Variants in PRKDC observed in about 807,000 individuals in gnomAD.
PRKDC encodes protein kinase, DNA-activated, catalytic subunit.
A neutral mutation model predicts 486.9 loss-of-function variants in PRKDC; 82 were observed. The ratio of observed to expected loss-of-function variants is 0.17; its 90% CI spans 0.14 to 0.20. The LOEUF is 0.20. Among genes scored for constraint, PRKDC ranks in the 10% least tolerant of loss-of-function variants. The pLI, the probability that PRKDC is intolerant of heterozygous loss-of-function variation, is 1.00. For synonymous variants in PRKDC, 1,895 were observed against 1,837.0 expected, an observed-to-expected ratio of 1.03 and a Z score of -0.81; for missense variants, 4,504 against 5,038.2, an observed-to-expected ratio of 0.89 and a Z score of 3.21.
At chr8:47,917,226 C>T (rs956958829) in intron 22 of PRKDC, among the ~76,000 whole-genome samples, 6 of 151,950 alleles carry the variant, frequency 3.9e-5, no homozygotes, top group African/African-American at 1.5e-4. Flanking sequence ...ATGCACTCCA[C>T]CCTGGGTGAC....
intron 83 of PRKDC, among the ~76,000 whole-genome samples, chr8:47,778,217 C>T (rs1473537673): frequency 6.6e-6 from 1 of 152,162 alleles, no homozygotes; most frequent in East Asian, 1.9e-4. Flanking sequence ...TTAGAGTCTT[C>T]CTTTGATCTG....
chr8:47,852,586 A>G, intron 52 of PRKDC, 87 bp downstream of exon 52: 1 of 783,052 alleles, frequency 1.3e-6, no homozygotes, highest in Non-Finnish European at 1.9e-6. Context: ...CTAATACCAT[A>G]CAAGAAATAA....
chr8:47,863,678 G>A (rs922059157), intron 41 of PRKDC, 101 bp from the exon 42 acceptor site: 3 of 1,001,726 alleles, frequency 3.0e-6, no homozygotes, highest in African/African-American at 3.4e-5. Context: ...TAGACAGACA[G>A]AATTTTAACA....
intron 69 of PRKDC, 115 bp downstream of exon 69, chr8:47,807,022 A>T: frequency 9.1e-7 from 1 of 1,102,866 alleles, no homozygotes; most frequent in Non-Finnish European, 1.2e-6. Flanking sequence ...AGAGAAAAAA[A>T]ATAACACCTA....
intron 40 of PRKDC, among the ~76,000 whole-genome samples, chr8:47,870,830 C>T (rs2088934697): frequency 6.6e-6 from 1 of 152,016 alleles, no homozygotes; most frequent in Non-Finnish European, 1.5e-5. Flanking sequence ...CAAAATTCAA[C>T]ATAATACAGA....
chr8:47,821,999 C>A (rs891739296), intron 64 of PRKDC, among the ~76,000 whole-genome samples: 3 of 151,994 alleles, frequency 2.0e-5, no homozygotes, highest in Non-Finnish European at 4.4e-5. Context: ...ATAGAAAAAC[C>A]CAGCTGGGCA....
rs1015668146 is a variant in PRKDC at position 47,888,504 on chromosome 8, T to C, written c.4413+14A>G. On this transcript the variant is annotated intron_variant, in intron 34 of 85. Coordinates refer to ENST00000314191, the MANE Select transcript of PRKDC (RefSeq NM_006904.7). ...AAAGCTAAAATAAATGTAAAAACAA[T>C]AAGTTATAGTTACCTGAGACGGTAA... 2.0e-6 allele frequency: 3 copies of C among 1,490,130 alleles called. No homozygotes were observed. Among genetic ancestry groups the C allele is most frequent in the Non-Finnish European group, 2.7e-6 (3 of 1,115,996 alleles). 92.3% of individuals were successfully genotyped at this position (1,490,130 alleles called of 1,614,324 possible).
chr8:47,949,633 CG>C (rs1477852000), intron 7 of PRKDC, among the ~76,000 whole-genome samples: 1 of 152,046 alleles, frequency 6.6e-6, no homozygotes, highest in Admixed American at 6.5e-5. Flanking sequence ...AAAATATGAC[CG>C]TAAGTGCTGT....
At chr8:47,780,500 A>C (rs1228403722) in intron 80 of PRKDC, among the ~76,000 whole-genome samples, 2 of 152,242 alleles carry the variant, frequency 1.3e-5, no homozygotes, top group East Asian at 1.9e-4. Flanking sequence ...AAATCTAAAG[A>C]CAGAACAGTT....
At chr8:47,796,588 ATT>A (rs869195900) in intron 73 of PRKDC, among the ~76,000 whole-genome samples, 1 of 139,648 alleles carries the variant, frequency 7.2e-6, no homozygotes, top group Non-Finnish European at 1.6e-5. Flanking sequence ...GTTTTTCTTC[ATT>A]TTTTTTTTTG....
rs117818182 is a variant in PRKDC, at chr8:47,905,954, G to A, written c.2935-978C>T. Reference sequence around the variant, plus strand: ...CTTGGAAGTGTAACCTAGTGGCCTGGTGGAGGTGTGACCATGTGGCCATCT... The same window carrying A: ...CTTGGAAGTGTAACCTAGTGGCCTGATGGAGGTGTGACCATGTGGCCATCT... On this transcript the variant is annotated intron_variant, in intron 25 of 85. Coordinates refer to ENST00000314191, the MANE Select transcript of PRKDC (RefSeq NM_006904.7). Among the ~76,000 whole-genome samples, 36 of 152,294 alleles carry A rather than the reference G, an allele frequency of 2.4e-4. No individual in the cohort carries two copies. The East Asian group carries it at 6.6e-3, about 28-fold the overall frequency.
intron 76 of PRKDC, among the ~76,000 whole-genome samples, chr8:47,788,006 T>C (rs1392285524): frequency 1.3e-5 from 2 of 152,238 alleles, no homozygotes; most frequent in Admixed American, 6.5e-5. Context: ...CTTTGCCCTA[T>C]ACATGGTGGA....
intron 68 of PRKDC, among the ~76,000 whole-genome samples, chr8:47,814,259 A>T (rs1480364377): frequency 1.3e-5 from 2 of 152,220 alleles, no homozygotes; most frequent in Admixed American, 1.3e-4. Context: ...CAAAAAAATT[A>T]TTTTTTAAAG....
chr8:47,947,670 G>A (rs1405660653), intron 7 of PRKDC, among the ~76,000 whole-genome samples: 3 of 152,196 alleles, frequency 2.0e-5, no homozygotes, highest in Non-Finnish European at 2.9e-5. Context: ...GCACTTTGGA[G>A]GCCAAGGCAG....
chr8:47,928,017 C>T (rs1408860422), intron 19 of PRKDC, 127 bp from the exon 20 acceptor site: 2 of 834,768 alleles, frequency 2.4e-6, no homozygotes, highest in African/African-American at 1.8e-5. Context: ...TGACCACATT[C>T]ACTTACAAAT....
At chr8:47,913,039 G>C (rs1391157021) in intron 24 of PRKDC, among the ~76,000 whole-genome samples, 11 of 152,180 alleles carry the variant, frequency 7.2e-5, no homozygotes, top group Non-Finnish European at 1.5e-5. Flanking sequence ...CCAACAGCAT[G>C]TGCTCACTTT....
intron 69 of PRKDC, 68 bp from the exon 70 acceptor site, chr8:47,803,548 GCCTGCTTCCC>G: frequency 6.8e-7 from 1 of 1,470,462 alleles, no homozygotes; most frequent in Admixed American, 1.7e-5. Flanking sequence ...TTTCTAATTG[GCCTGCTTCCC>G]CCTTTGCACG....
Position 47,800,983 on chromosome 8 carries a change from T to C in PRKDC, c.9926A>G (p.Glu3309Gly), listed in dbSNP as rs768252307. Residue 3309 changes from glutamate to glycine, a missense_variant, in exon 71 of 86, where the codon GAG becomes GGG. By Grantham distance (98) the Glu-to-Gly change is moderately conservative. Transcript: ENST00000314191. ...GCTTAAGTAGCTTGACACGTTGTTCTCATCTGTTGGATTAAAAAAACAAAA... is the reference window on the plus strand; with the variant it reads ...GCTTAAGTAGCTTGACACGTTGTTCCCATCTGTTGGATTAAAAAAACAAAA... ...TVLKTVSLLD[E>G]NNVSSYLSKN... The C allele has an allele frequency of 6.2e-7, 1 of 1,613,380 alleles. No homozygotes were observed. Among genetic ancestry groups the C allele is most frequent in the African/African-American group, 1.3e-5 (1 of 74,926 alleles).
chr8:47,831,625 G>A (rs747101781), intron 60 of PRKDC, among the ~76,000 whole-genome samples, 189 bp downstream of exon 60: 4 of 152,118 alleles, frequency 2.6e-5, no homozygotes, highest in Non-Finnish European at 5.9e-5. Context: ...CGCACTCCTG[G>A]ACCCCCACCA....
Sources: gnomAD v4.1 joint callset for allele counts (sites outside exome capture counted in the v4.1 genomes callset) on GRCh38, gnomAD v4.1.1 for gene constraint, MANE v1.5 for transcripts, NCBI Gene and HGNC (gene_info 2026-07-23, HGNC 2026-07-21) for gene names.